The following DNAH11 variants were observed in gnomAD, a reference collection of about 807,000 sequenced individuals.
DNAH11 encodes axonemal beta dynein heavy chain 11.
A neutral mutation model predicts 526.0 loss-of-function variants in DNAH11; 442 were observed. That is an observed-to-expected ratio of 0.84 (90% CI 0.78 to 0.91). The LOEUF is 0.91. DNAH11 is among the 40% of genes least tolerant of loss of function. DNAH11 has a pLI of 0.00. For synonymous variants in DNAH11, 2,461 were observed against 1,935.9 expected (o/e 1.27, Z -7.12); for missense variants, 6,989 against 5,448.7 (o/e 1.28, Z -8.90).
chr7:21,659,022 T>C lies in DNAH11; in HGVS notation c.5319T>C (p.His1773=). 1 of 1,590,872 alleles carries C rather than the reference T, an allele frequency of 6.3e-7. No homozygotes were observed. The highest frequency in any genetic ancestry group is 8.5e-7 in the Non-Finnish European group (1 of 1,169,620). ...ACGAAACAGCCCTGAAGGATTTCCA[T>C]AAAAAACAGGTATTACATAGATTTG... ...EGYETALKDF[H]KKQISQLNTL... Residue 1773 remains histidine, a synonymous_variant, in exon 30 of 82, where the codon CAT becomes CAC. Coordinates refer to ENST00000409508, the MANE Select transcript of DNAH11 (RefSeq NM_001277115.2).
chr7:21,775,195 AT>A (rs1357413609), intron 56 of DNAH11, among the ~76,000 whole-genome samples: 1 of 152,198 alleles, frequency 6.6e-6, no homozygotes, highest in Non-Finnish European at 1.5e-5. Flanking sequence ...ATGGACCACA[AT>A]TAGGAAAGAG....
chr7:21,618,162 T>A (rs1358877659), intron 23 of DNAH11: 1 of 157,422 alleles, frequency 6.4e-6, no homozygotes, highest in Admixed American at 6.5e-5. Context: ...AGGCCAAAGT[T>A]GACACAGAGA....
intron 40 of DNAH11, among the ~76,000 whole-genome samples, chr7:21,708,536 C>A (rs1784353433): frequency 6.6e-6 from 1 of 152,150 alleles, no homozygotes; most frequent in African/African-American, 2.4e-5. Flanking sequence ...TCAAATGTTA[C>A]TTCTTTGCTT....
chr7:21,606,689 C>A lies in DNAH11; in HGVS notation c.3808C>A (p.Pro1270Thr). The stretch of plus-strand genomic sequence containing the variant: ...CAGAGAGAGATTCAGACACTATGCC[C>A]CTCTTGGATTTAATGCAGAAAATCC... ...EFRERFRHYAPLGFNAENPYT... is the reference protein window; with the variant it reads ...EFRERFRHYATLGFNAENPYT... Residue 1270 changes from proline to threonine, a missense_variant, in exon 20 of 82, where the codon CCT (proline) becomes ACT (threonine). Physicochemically the swap from Pro to Thr is conservative, Grantham distance 38 (BLOSUM62 -1). Coordinates refer to ENST00000409508, the MANE Select transcript of DNAH11 (RefSeq NM_001277115.2). 6.2e-7 allele frequency: 1 copy of A among 1,611,046 alleles called. No homozygotes were observed. The highest frequency in any genetic ancestry group is 2.2e-5 in the East Asian group (1 of 44,792).
Position 21,720,750 on chromosome 7 carries a change from T to G in DNAH11, c.7160T>G (p.Leu2387Trp). 6.3e-7 allele frequency: 1 copy of G among 1,586,292 alleles called. No homozygotes were observed. The highest frequency in any genetic ancestry group is 8.6e-7 in the Non-Finnish European group (1 of 1,164,926). ...VQTLCVLLEC[L>W]LTPENVPSDS... is the part of the protein sequence containing the mutation. ...ACTCTATGTGTTCTTTTGGAGTGCT[T>G]GCTGACTCCTGAAAATGTACCTTCT... Residue 2387 changes from leucine (L) to tryptophan (W), a missense_variant, in exon 44 of 82, where the codon TTG becomes TGG. By Grantham distance (61) the Leu-to-Trp change is moderately conservative. Transcript: ENST00000409508.
chr7:21,580,493 T>G (rs1273274380), intron 8 of DNAH11, among the ~76,000 whole-genome samples: 1 of 152,210 alleles, frequency 6.6e-6, no homozygotes, highest in Non-Finnish European at 1.5e-5. Flanking sequence ...GCCCTCTGTT[T>G]AGGTTGCTAT....
intron 49 of DNAH11, 61 bp from the exon 50 acceptor site, chr7:21,744,377 A>G (rs1049182726): frequency 2.6e-6 from 4 of 1,554,380 alleles, no homozygotes; most frequent in Non-Finnish European, 3.5e-6. Flanking sequence ...AAAGTGTTAA[A>G]CTCATTTGAC....
intron 47 of DNAH11, 35 bp downstream of exon 47, chr7:21,738,901 A>C: frequency 1.4e-6 from 2 of 1,469,964 alleles, no homozygotes; most frequent in Non-Finnish European, 1.8e-6. Context: ...CTCTCCCAAA[A>C]TCTAATAATT....
At chr7:21,600,455 A>G (rs1213306970) in intron 15 of DNAH11, among the ~76,000 whole-genome samples, 1 of 150,370 alleles carries the variant, frequency 6.7e-6, no homozygotes, top group Non-Finnish European at 1.5e-5. Context: ...CCTGTCTCAA[A>G]AAAACAAAAA....
intron 65 of DNAH11, among the ~76,000 whole-genome samples, chr7:21,828,688 T>C (rs1194100670): frequency 6.6e-6 from 1 of 151,918 alleles, no homozygotes; most frequent in African/African-American, 2.4e-5. Flanking sequence ...AATATGGATA[T>C]GTTGAAGCGT....
intron 54 of DNAH11, among the ~76,000 whole-genome samples, chr7:21,756,027 C>A (rs1786621145): frequency 6.6e-6 from 1 of 151,970 alleles, no homozygotes; most frequent in African/African-American, 2.4e-5. Flanking sequence ...ATTCTGCTAA[C>A]TTTATGATGA....
At chr7:21,597,658 G>A (rs546821803) in intron 14 of DNAH11, among the ~76,000 whole-genome samples, 1 of 152,236 alleles carries the variant, frequency 6.6e-6, no homozygotes, top group Admixed American at 6.5e-5. Flanking sequence ...GCAAGCGGGG[G>A]GTTGGGGCAG....
At chr7:21,741,125 G>A (rs4722051) in intron 48 of DNAH11, among the ~76,000 whole-genome samples, 7,348 of 152,150 alleles carry the variant, frequency 0.048, 235 homozygotes, top group East Asian at 0.19. Context: ...TAATCCCTTA[G>A]GCACTGATAT....
chr7:21,598,523 C>T (rs954735543), intron 14 of DNAH11, among the ~76,000 whole-genome samples: 1 of 152,016 alleles, frequency 6.6e-6, no homozygotes, highest in Admixed American at 6.6e-5. Flanking sequence ...CTTAGAACTT[C>T]CCTAGTCCAG....
At position 21,765,397 on chromosome 7, in the gene DNAH11, C is replaced by G. The variant is rs1247088805; in HGVS notation, c.8941-31C>G. 5 of 1,612,974 alleles carry G rather than the reference C, an allele frequency of 3.1e-6. No homozygotes were observed. The Admixed American group carries it at 8.3e-5, about 27-fold the overall frequency. On this transcript the variant is annotated intron_variant, in intron 54 of 81. Coordinates refer to ENST00000409508, the MANE Select transcript of DNAH11 (RefSeq NM_001277115.2). ...AATTCTCTGCTCATTCATCACCCGCCTGTTTCTGCCTTGCCCCCATGTCTC... is the reference window on the plus strand; with the variant it reads ...AATTCTCTGCTCATTCATCACCCGCGTGTTTCTGCCTTGCCCCCATGTCTC...
rs115737988 is a variant in DNAH11, at chr7:21,882,623, C to T, written c.12388-1668C>T. Reference sequence around the variant, plus strand: ...CCAGCCTGGGTAACATGGGGAAACCCAGTCTCCATAAAAAATACAAAAGAT... The same window carrying T: ...CCAGCCTGGGTAACATGGGGAAACCTAGTCTCCATAAAAAATACAAAAGAT... On this transcript the variant is annotated intron_variant, in intron 75 of 81. Transcript: ENST00000409508. 3.1e-3 allele frequency among the ~76,000 whole-genome samples: 473 copies of T among 152,178 alleles called. 3 individuals carry two copies. Among genetic ancestry groups the T allele is most frequent in the African/African-American group, 0.01 (431 of 41,514 alleles).
At chr7:21,806,214 C>G (rs1016771858) in intron 62 of DNAH11, among the ~76,000 whole-genome samples, 1 of 152,128 alleles carries the variant, frequency 6.6e-6, no homozygotes, top group South Asian at 2.1e-4. Context: ...GCCAATCAGT[C>G]TATGTTTAGT....
At chr7:21,810,714 A>G (rs1369030353) in intron 63 of DNAH11, among the ~76,000 whole-genome samples, 1 of 152,190 alleles carries the variant, frequency 6.6e-6, no homozygotes, top group Non-Finnish European at 1.5e-5. Context: ...GAGAGGAAAG[A>G]GAATGCCAAA....
intron 81 of DNAH11, 126 bp downstream of exon 81, chr7:21,900,246 C>A: frequency 9.4e-7 from 1 of 1,064,230 alleles, no homozygotes; most frequent in Non-Finnish European, 1.3e-6. Context: ...GTCATTATCT[C>A]ATTTCTTCCT....
Sources: gnomAD v4.1 joint callset for allele counts (sites outside exome capture counted in the v4.1 genomes callset) on GRCh38, gnomAD v4.1.1 for gene constraint, MANE v1.5 for transcripts, NCBI Gene and HGNC (gene_info 2026-07-23, HGNC 2026-07-21) for gene names.